Variants in SERPINB8 observed in about 807,000 individuals in gnomAD.
SERPINB8 encodes serpin B8.
Under a neutral mutation model 35.3 loss-of-function variants are expected in SERPINB8, and 25 were observed. The observed-to-expected ratio is 0.71, with a 90% CI of 0.52 to 0.99. The LOEUF (loss-of-function observed/expected upper bound fraction) is 0.99, where lower values mean the gene tolerates loss of function less well. Ranked by LOEUF, SERPINB8 falls within the 50% of genes least tolerant of loss-of-function variation. The pLI, the probability that SERPINB8 is intolerant of heterozygous loss-of-function variation, is 0.00. For synonymous variants in SERPINB8, 186 were observed against 160.8 expected (o/e 1.16, Z -1.19); for missense variants, 484 against 446.5 (o/e 1.08, Z -0.76).
At chr18:63,978,554 G>A (rs1298905584) in intron 2 of SERPINB8, 78 bp downstream of exon 2, 1 of 1,547,942 alleles carries the variant, frequency 6.5e-7, no homozygotes, top group Non-Finnish European at 8.8e-7. Context: ...CTGTACTTTT[G>A]CTCTAGCTGA....
At chr18:64,004,361 A>T (rs1318290198) in intron 1 of SERPINB8, among the ~76,000 whole-genome samples, 1 of 152,180 alleles carries the variant, frequency 6.6e-6, no homozygotes, top group East Asian at 1.9e-4. Context: ...AGTTGAATTG[A>T]TATAAAATAA....
At position 63,979,804 on chromosome 18, in the gene SERPINB8, C is replaced by G. The variant is rs1185020945; in HGVS notation, c.172C>G (p.Leu58Val). Residue 58 changes from leucine to valine, a missense_variant, in exon 3 of 7, where the codon CTT becomes GTT. Physicochemically the swap from Leu to Val is conservative, Grantham distance 32. Coordinates refer to ENST00000397985, the MANE Select transcript of SERPINB8 (RefSeq NM_002640.4). ...CAGTGTTGGTTTCTGTTCCCAGGCA[C>G]TTTGTTTATACAAAGACGGAGATAT... ...GSTAAQMSQA[L>V]CLYKDGDIHR... The G allele has an allele frequency of 6.2e-7, 1 of 1,614,064 alleles. No homozygotes were observed. Among genetic ancestry groups the G allele is most frequent in the East Asian group, 2.2e-5 (1 of 44,884 alleles).
downstream of SERPINB8, among the ~76,000 whole-genome samples, chr18:63,989,972 A>C (rs1325957015): frequency 1.3e-5 from 2 of 148,158 alleles, no homozygotes; most frequent in Non-Finnish European, 3.0e-5. Flanking sequence ...AAAAAAAACC[A>C]AAATGTGCTT....
chr18:63,982,683 C>G (rs1021495887), intron 4 of SERPINB8, among the ~76,000 whole-genome samples: 2 of 152,176 alleles, frequency 1.3e-5, no homozygotes, highest in Non-Finnish European at 2.9e-5. Context: ...AGTGGTCTTT[C>G]CAGTTGTTCA....
chr18:63,985,257 G>A lies in SERPINB8; in HGVS notation c.720+12G>A, dbSNP rs764496274. 4.3e-6 allele frequency: 7 copies of A among 1,613,812 alleles called. No homozygotes were observed. In the Admixed American group the frequency reaches 1.2e-4, roughly 27 times the overall value. ...CGGACCTCGCCGTGGTAAGCTCCAG[G>A]CAATGAGCCTGAGTATCTGTGGAGT... On this transcript the variant is annotated intron_variant, in intron 6 of 6. Transcript: ENST00000397985.
chr18:63,989,704 G>A (rs1032749350), downstream of SERPINB8, among the ~76,000 whole-genome samples: 4 of 152,182 alleles, frequency 2.6e-5, no homozygotes, highest in African/African-American at 9.6e-5. Context: ...AGCACTTTGG[G>A]AGGCCGAGGC....
chr18:63,991,663 T>G (rs935643219), downstream of SERPINB8, among the ~76,000 whole-genome samples: 1 of 136,420 alleles, frequency 7.3e-6, no homozygotes, highest in South Asian at 2.2e-4. Flanking sequence ...CTTTCACATT[T>G]AGATAGCTTT....
chr18:63,996,173 T>C (rs1220244691), intron 1 of SERPINB8, among the ~76,000 whole-genome samples: 1 of 152,194 alleles, frequency 6.6e-6, no homozygotes, highest in African/African-American at 2.4e-5. Flanking sequence ...TATATGCTTT[T>C]TCAAAATAAA....
At chr18:64,012,753 T>G (rs1490068264) in intron 7 of SERPINB8, among the ~76,000 whole-genome samples, 1 of 152,158 alleles carries the variant, frequency 6.6e-6, no homozygotes, top group African/African-American at 2.4e-5. Flanking sequence ...AAATTTTGAT[T>G]GTCCATTCAT....
intron 6 of SERPINB8, 199 bp from the exon 7 acceptor site, chr18:63,986,675 A>G: frequency 2.9e-6 from 4 of 1,380,208 alleles, no homozygotes; most frequent in Non-Finnish European, 2.8e-6. Flanking sequence ...GCTCTTTTAC[A>G]CTTGTCTCCA....
chr18:64,001,890 G>A (rs1436894577), intron 1 of SERPINB8, among the ~76,000 whole-genome samples: 1 of 152,170 alleles, frequency 6.6e-6, no homozygotes, highest in Non-Finnish European at 1.5e-5. Flanking sequence ...GCATCTACTG[G>A]GGGACAGGTC....
chr18:63,987,577 A>C lies in SERPINB8; in HGVS notation c.*299A>C. The C allele has an allele frequency of 6.4e-6, 2 of 311,400 alleles. No individual in the cohort carries two copies. Among genetic ancestry groups the C allele is most frequent in the South Asian group, 1.1e-4 (2 of 18,688 alleles). The allele number at this position is 311,400 out of a possible 1,614,324, so 19.3% of individuals were successfully genotyped here. ...TTCAGGGGATCTTATGGAGCATCTCAGGGCTTCAGGAGCCAGCCCTCTTCC... is the reference window on the plus strand; with the variant it reads ...TTCAGGGGATCTTATGGAGCATCTCCGGGCTTCAGGAGCCAGCCCTCTTCC... On this transcript the variant is annotated 3_prime_UTR_variant, in exon 7 of 7. Transcript: ENST00000397985.
At chr18:64,004,364 T>G (rs1529340) in intron 1 of SERPINB8, among the ~76,000 whole-genome samples, 99,751 of 151,930 alleles carry the variant, frequency 0.66, 33,050 homozygotes, top group African/African-American at 0.73. Context: ...TGAATTGATA[T>G]AAAATAAAAG....
chr18:64,017,184 G>C (rs1394785774), intron 7 of SERPINB8, among the ~76,000 whole-genome samples: 2 of 152,132 alleles, frequency 1.3e-5, no homozygotes, highest in African/African-American at 4.8e-5. Flanking sequence ...TCGGTGACGT[G>C]AGGACATTTG....
intron 1 of SERPINB8, among the ~76,000 whole-genome samples, chr18:63,970,956 A>G (rs1406233260): frequency 6.6e-6 from 1 of 151,654 alleles, no homozygotes; most frequent in Non-Finnish European, 1.5e-5. Flanking sequence ...CTTTCCAGAC[A>G]CTCTCAGTCC....
chr18:64,007,990 A>G (rs917382197), downstream of SERPINB8, among the ~76,000 whole-genome samples: 19 of 152,220 alleles, frequency 1.2e-4, no homozygotes, highest in African/African-American at 3.4e-4. Context: ...TTAATTTTTA[A>G]TTAATTAATT....
intron 7 of SERPINB8, among the ~76,000 whole-genome samples, chr18:64,018,614 T>C (rs922547942): frequency 6.6e-6 from 1 of 152,228 alleles, no homozygotes; most frequent in African/African-American, 2.4e-5. Flanking sequence ...TTCTTTACTT[T>C]TGTTTACTGT....
intron 1 of SERPINB8, among the ~76,000 whole-genome samples, chr18:63,970,776 C>A (rs2050460661): frequency 6.6e-6 from 1 of 152,146 alleles, no homozygotes; most frequent in African/African-American, 2.4e-5. Context: ...CTTCTCCTTC[C>A]CTTCCTGTCC....
At chr18:63,970,191 C>T in intron 1 of SERPINB8, 21 bp downstream of exon 1, 2 of 298,306 alleles carry the variant, frequency 6.7e-6, no homozygotes, top group South Asian at 2.9e-5. Flanking sequence ...CTGCCAGGTA[C>T]CGGGCGGGGC....
Sources: allele counts gnomAD v4.1 joint callset (sites outside exome capture counted in the v4.1 genomes callset), GRCh38; gene constraint gnomAD v4.1.1; transcripts MANE v1.5; gene names NCBI Gene and HGNC (gene_info 2026-07-23, HGNC 2026-07-21).